The following CMC1 variants were observed in gnomAD, a reference collection of about 807,000 sequenced individuals.
CMC1 encodes C-X9-C motif containing 1.
In CMC1, 14 loss-of-function variants were observed where a neutral mutation model predicts 14.1. The ratio of observed to expected loss-of-function variants is 0.99; its 90% confidence interval spans 0.66 to 1.55. The LOEUF (loss-of-function observed/expected upper bound fraction) is 1.55, where lower values mean the gene tolerates loss of function less well. Among genes scored for constraint, CMC1 ranks in the 40% most tolerant of loss-of-function variants. CMC1 has a pLI of 0.00. For missense variants in CMC1, 127 were observed against 123.8 expected (o/e 1.03, Z -0.12); for synonymous variants, 50 against 38.4 (o/e 1.30, Z -1.12).
rs977438341 is a variant in CMC1, at chr3:28,260,861, A to G, written c.20-2430A>G. Among the ~76,000 whole-genome samples, 7 of 152,146 alleles carry G rather than the reference A, an allele frequency of 4.6e-5. No homozygotes were observed. In the South Asian group the frequency reaches 6.2e-4, roughly 14 times the overall value. On this transcript the variant is annotated intron_variant, in intron 1 of 3. Coordinates refer to ENST00000466830, the MANE Select transcript of CMC1 (RefSeq NM_182523.2). ...TTTTCTTAGATCCATGGGTTATTTA[A>G]AAGTGCGTTATTTAGCTTACAAATA... is the stretch of plus-strand genomic sequence containing the variant.
rs200768822 is a variant in CMC1, at chr3:28,280,369, ATATT to A, written c.109+16990_109+16993del. Among the ~76,000 whole-genome samples the A allele has an allele frequency of 3.7e-3, 567 of 152,304 alleles. 9 individuals carry two copies. The highest frequency in any genetic ancestry group is 0.033 in the Admixed American group (497 of 15,288). ...ATACTTTTGTTTCATTGAATGGTAT[ATATT>A]AATACTCATTTCATTTTAGATCAGT... On this transcript the variant is annotated intron_variant, in intron 2 of 3. Transcript: ENST00000466830.
rs1011845874 is a variant in CMC1 at position 28,319,834 on chromosome 3, A to C, written c.*205A>C. 2.5e-6 allele frequency: 1 copy of C among 403,828 alleles called. No individual in the cohort carries two copies. Among genetic ancestry groups the C allele is most frequent in the Non-Finnish European group, 4.4e-6 (1 of 226,396 alleles). The allele number at this position is 403,828 out of a possible 1,614,324, so 25.0% of individuals were successfully genotyped here. ...GAATTGGGATATGGTTTTCCTGGTCATTCTGGACCTTTTGAAAGTTTTCCC... is the reference window on the plus strand; with the variant it reads ...GAATTGGGATATGGTTTTCCTGGTCCTTCTGGACCTTTTGAAAGTTTTCCC... On this transcript the variant is annotated 3_prime_UTR_variant, in exon 4 of 4. Coordinates refer to ENST00000466830, the MANE Select transcript of CMC1 (RefSeq NM_182523.2).
At chr3:28,276,912 A>G (rs1700616581) in intron 2 of CMC1, among the ~76,000 whole-genome samples, 1 of 152,180 alleles carries the variant, frequency 6.6e-6, no homozygotes, top group African/African-American at 2.4e-5. Flanking sequence ...GTAATGTACA[A>G]AAGAGATAAA....
intron 3 of CMC1, chr3:28,317,307 T>C (rs904512100): frequency 6.6e-6 from 1 of 152,024 alleles, no homozygotes; most frequent in African/African-American, 2.4e-5. Context: ...ATTTGCTATA[T>C]TTGTAAATGA....
At chr3:28,278,670 G>C (rs547803955) in intron 2 of CMC1, among the ~76,000 whole-genome samples, 18 of 152,282 alleles carry the variant, frequency 1.2e-4, no homozygotes, top group Admixed American at 3.3e-4. Flanking sequence ...TGCAATACAT[G>C]GTGTTAGATA....
intron 1 of CMC1, among the ~76,000 whole-genome samples, chr3:28,246,194 A>AT (rs1169650556): frequency 6.6e-6 from 1 of 152,192 alleles, no homozygotes; most frequent in African/African-American, 2.4e-5. Context: ...ACAAAAAAAA[A>AT]AAGACCTAAC....
At chr3:28,299,944 C>T (rs984010185) in intron 2 of CMC1, among the ~76,000 whole-genome samples, 5 of 152,130 alleles carry the variant, frequency 3.3e-5, no homozygotes, top group Non-Finnish European at 7.4e-5. Flanking sequence ...ATAACACCTC[C>T]ATGGGACTTG....
intron 2 of CMC1, 79 bp from the exon 3 acceptor site, chr3:28,316,254 T>C: frequency 1.4e-6 from 1 of 713,822 alleles, no homozygotes; most frequent in Non-Finnish European, 2.2e-6. Flanking sequence ...TTTTTTTTTC[T>C]AAAAAGAAGA....
Position 28,322,620 on chromosome 3 carries a change from T to C in CMC1, c.*2991T>C, listed in dbSNP as rs896735608. ...TAAAGCCTGGAGTATTGTATTTCTTTTATGCATATTGGGTTTGGTTCTATT... is the reference window on the plus strand; with the variant it reads ...TAAAGCCTGGAGTATTGTATTTCTTCTATGCATATTGGGTTTGGTTCTATT... On this transcript the variant is annotated 3_prime_UTR_variant, in exon 4 of 4. Transcript: ENST00000466830. 4.6e-5 allele frequency: 7 copies of C among 151,652 alleles called. No individual in the cohort carries two copies. The highest frequency in any genetic ancestry group is 4.0e-4 in the Admixed American group (6 of 15,106). The allele number at this position is 151,652 out of a possible 1,614,324, so 9.4% of individuals were successfully genotyped here. A position where few individuals can be genotyped will look rare whatever the true frequency, so the allele number is the denominator to read the frequency against.
rs899372121 is a variant in CMC1 at position 28,241,640 on chromosome 3, C to T, written c.-154C>T. The T allele has an allele frequency of 1.6e-6, 2 of 1,231,944 alleles. No homozygotes were observed. Among genetic ancestry groups the T allele is most frequent in the Non-Finnish European group, 2.0e-6 (2 of 987,448 alleles). The allele number at this position is 1,231,944 out of a possible 1,614,324, so 76.3% of individuals were successfully genotyped here. A position where few individuals can be genotyped will look rare whatever the true frequency, so the allele number is the denominator to read the frequency against. On this transcript the variant is annotated 5_prime_UTR_variant, in exon 1 of 4. In the 5' UTR this introduces an upstream ATG that the reference lacks. Transcript: ENST00000466830. The stretch of plus-strand genomic sequence containing the variant: ...TAGGAGCCTGGGAAGGAAGAGGGAA[C>T]GGGTCCTGGCGGTGCTTTGCAAAGG...
At chr3:28,260,583 T>C (rs1559405943) in intron 1 of CMC1, among the ~76,000 whole-genome samples, 2 of 152,078 alleles carry the variant, frequency 1.3e-5, no homozygotes, top group Non-Finnish European at 2.9e-5. Context: ...TTGTGTGGTA[T>C]TCTTTATTTC....
chr3:28,288,290 G>A (rs566156547), intron 2 of CMC1, among the ~76,000 whole-genome samples: 10 of 152,108 alleles, frequency 6.6e-5, no homozygotes, highest in African/African-American at 1.7e-4. Context: ...ATCATAAAGA[G>A]TAGCATATAT....
At chr3:28,260,867 C>T (rs753434361) in intron 1 of CMC1, among the ~76,000 whole-genome samples, 7 of 152,026 alleles carry the variant, frequency 4.6e-5, no homozygotes, top group Admixed American at 1.3e-4. Flanking sequence ...TTTAAAAGTG[C>T]GTTATTTAGC....
chr3:28,305,882 G>A (rs918399135), intron 2 of CMC1, among the ~76,000 whole-genome samples: 1 of 147,000 alleles, frequency 6.8e-6, no homozygotes, highest in Non-Finnish European at 1.5e-5. Flanking sequence ...AGGTAGAGAT[G>A]GAGTTTCATT....
intron 2 of CMC1, among the ~76,000 whole-genome samples, chr3:28,300,327 A>T (rs754067811): frequency 2.6e-5 from 4 of 152,136 alleles, no homozygotes; most frequent in Non-Finnish European, 5.9e-5. Context: ...GGAATATCCA[A>T]ATTTATATTC....
At chr3:28,258,712 C>T (rs1411545139) in intron 1 of CMC1, among the ~76,000 whole-genome samples, 3 of 150,812 alleles carry the variant, frequency 2.0e-5, no homozygotes, top group Middle Eastern at 3.2e-3. Context: ...CTCTGCCTCC[C>T]GGGTTCATGC....
chr3:28,301,189 T>C (rs1195195273), intron 2 of CMC1, among the ~76,000 whole-genome samples: 1 of 152,166 alleles, frequency 6.6e-6, no homozygotes, highest in African/African-American at 2.4e-5. Flanking sequence ...TAATATGTTA[T>C]TCTTTTCATG....
intron 2 of CMC1, among the ~76,000 whole-genome samples, chr3:28,304,806 A>G (rs1702227134): frequency 6.6e-6 from 1 of 152,184 alleles, no homozygotes; most frequent in South Asian, 2.1e-4. Context: ...AAGTTTTATA[A>G]CTTGGAATGG....
chr3:28,262,788 A>T (rs1699798773), intron 1 of CMC1, among the ~76,000 whole-genome samples: 1 of 152,170 alleles, frequency 6.6e-6, no homozygotes, highest in Admixed American at 6.6e-5. Flanking sequence ...AGTTGTGTTT[A>T]AAATGCAGAG....
Sources: gnomAD v4.1 joint callset for allele counts (sites outside exome capture counted in the v4.1 genomes callset) on GRCh38, gnomAD v4.1.1 for gene constraint, MANE v1.5 for transcripts, NCBI Gene and HGNC (gene_info 2026-07-23, HGNC 2026-07-21) for gene names.